Variants in RERE observed in about 807,000 individuals in gnomAD.
RERE encodes arginine-glutamic acid dipeptide repeats.
In RERE, 40 loss-of-function variants were observed where a neutral mutation model predicts 146.1. The observed-to-expected ratio is 0.27, with a 90% CI of 0.21 to 0.36. The LOEUF (loss-of-function observed/expected upper bound fraction) is 0.36, where lower values mean the gene tolerates loss of function less well. RERE is among the 10% of genes least tolerant of loss of function. The pLI is 1.00. For synonymous variants in RERE, 1,003 were observed against 866.0 expected, an observed-to-expected ratio of 1.16 and a Z score of -2.78; for missense variants, 1,933 against 2,138.7, an observed-to-expected ratio of 0.90 and a Z score of 1.90.
rs1356788050 is a variant in RERE, at chr1:8,418,086, T to C, written c.1284+4641A>G. ...CACATTCTACCAAGTATGGCAGGTA[T>C]GTAAATGTCGTGCTGGCTCCCTGCA... On this transcript the variant is annotated intron_variant, in intron 12 of 22. Coordinates refer to ENST00000400908, the MANE Select transcript of RERE (RefSeq NM_001042681.2). Among the ~76,000 whole-genome samples the C allele has an allele frequency of 2.0e-5, 3 of 152,160 alleles. No individual in the cohort carries two copies. In the South Asian group the frequency reaches 6.2e-4, roughly 31 times the overall value.
chr1:8,468,889 C>T (rs1213923152), intron 10 of RERE, among the ~76,000 whole-genome samples: 2 of 150,608 alleles, frequency 1.3e-5, no homozygotes, highest in Non-Finnish European at 2.9e-5. Context: ...AGAGTGAAAC[C>T]CTGCCTCCAA....
At chr1:8,523,077 C>G (rs1387556402) in intron 7 of RERE, among the ~76,000 whole-genome samples, 1 of 151,898 alleles carries the variant, frequency 6.6e-6, no homozygotes, top group Non-Finnish European at 1.5e-5. Context: ...ATGTGGGAGG[C>G]TGAGGCAGGA....
chr1:8,366,517 C>T (rs1641808625), intron 12 of RERE, among the ~76,000 whole-genome samples: 1 of 152,140 alleles, frequency 6.6e-6, no homozygotes, highest in Admixed American at 6.5e-5. Context: ...CAGGGCCAAA[C>T]AGAAGGTGGG....
At chr1:8,458,199 A>G (rs1644478071) in intron 11 of RERE, among the ~76,000 whole-genome samples, 1 of 152,132 alleles carries the variant, frequency 6.6e-6, no homozygotes, top group South Asian at 2.1e-4. Context: ...TGTCTATGGG[A>G]GAACAAATGC....
chr1:8,629,649 C>T (rs1351385369), intron 2 of RERE, among the ~76,000 whole-genome samples: 1 of 152,156 alleles, frequency 6.6e-6, no homozygotes, highest in Non-Finnish European at 1.5e-5. Flanking sequence ...TCTTTTCTGA[C>T]AGCCTCCTAC....
intron 2 of RERE, among the ~76,000 whole-genome samples, chr1:8,639,704 C>G (rs1187865620): frequency 2.6e-5 from 4 of 152,120 alleles, no homozygotes; most frequent in Non-Finnish European, 5.9e-5. Context: ...TTAAACTGTT[C>G]CTAAGGATGT....
intron 1 of RERE, among the ~76,000 whole-genome samples, chr1:8,793,704 A>C (rs1641411090): frequency 6.6e-6 from 1 of 152,252 alleles, no homozygotes; most frequent in African/African-American, 2.4e-5. Flanking sequence ...GAAAGGACCC[A>C]TATTAACTGT....
chr1:8,574,673 C>T (rs888738764), intron 4 of RERE, among the ~76,000 whole-genome samples: 4 of 152,118 alleles, frequency 2.6e-5, no homozygotes, highest in Non-Finnish European at 4.4e-5. Context: ...AAAAATCAGA[C>T]ACGAACAAAT....
chr1:8,648,163 A>T (rs890466852), intron 2 of RERE, among the ~76,000 whole-genome samples: 21 of 152,268 alleles, frequency 1.4e-4, no homozygotes, highest in African/African-American at 4.3e-4. Context: ...CTGTTTTAAA[A>T]TTTTCTATAA....
chr1:8,456,754 T>C (rs1272720664), intron 11 of RERE, among the ~76,000 whole-genome samples: 1 of 152,176 alleles, frequency 6.6e-6, no homozygotes, highest in African/African-American at 2.4e-5. Flanking sequence ...CTCAGGGCCT[T>C]TGCACTGTTT....
chr1:8,690,488 C>T (rs2124416841), intron 1 of RERE, among the ~76,000 whole-genome samples: 1 of 152,276 alleles, frequency 6.6e-6, no homozygotes, highest in Non-Finnish European at 1.5e-5. Flanking sequence ...CTGATTGTCT[C>T]TAGGCAGAAA....
At chr1:8,559,127 A>AAAATGTGCTGTTTTAAAGT (rs1367010424) in intron 4 of RERE, among the ~76,000 whole-genome samples, 3 of 151,034 alleles carry the variant, frequency 2.0e-5, no homozygotes, top group Non-Finnish European at 3.0e-5. Context: ...AGTAAATACA[A>AAAATGTGCTGTTTTAAAGT]AAATTAGCCG....
intron 1 of RERE, among the ~76,000 whole-genome samples, chr1:8,795,992 A>G (rs1314270645): frequency 6.6e-6 from 1 of 150,788 alleles, no homozygotes; most frequent in East Asian, 1.9e-4. Context: ...CAAAAAAAAA[A>G]AAAAAACAAA....
At chr1:8,669,741 A>G (rs1638671648) in intron 1 of RERE, among the ~76,000 whole-genome samples, 1 of 152,232 alleles carries the variant, frequency 6.6e-6, no homozygotes, top group Non-Finnish European at 1.5e-5. Flanking sequence ...CTATCTCTGT[A>G]TAGCATGTTC....
intron 2 of RERE, among the ~76,000 whole-genome samples, chr1:8,647,049 GCA>G (rs1200680431): frequency 2.6e-5 from 4 of 152,168 alleles, no homozygotes; most frequent in Non-Finnish European, 4.4e-5. Flanking sequence ...TCATGCCATA[GCA>G]CACCATCCTG....
At chr1:8,376,708 T>C (rs1642270575) in intron 12 of RERE, among the ~76,000 whole-genome samples, 1 of 152,248 alleles carries the variant, frequency 6.6e-6, no homozygotes, top group South Asian at 2.1e-4. Context: ...CAGTGATGCC[T>C]GAGTCTAGAT....
At chr1:8,590,067 C>T (rs1646474565) in intron 4 of RERE, among the ~76,000 whole-genome samples, 1 of 152,150 alleles carries the variant, frequency 6.6e-6, no homozygotes, top group Admixed American at 6.5e-5. Context: ...AGGACTAAGT[C>T]AGTCCCTTGC....
At chr1:8,664,269 G>A (rs989841764) in intron 1 of RERE, among the ~76,000 whole-genome samples, 6 of 152,050 alleles carry the variant, frequency 3.9e-5, no homozygotes, top group Non-Finnish European at 7.4e-5. Context: ...TTCTAGACAC[G>A]ATCCTCTCCA....
intron 1 of RERE, among the ~76,000 whole-genome samples, chr1:8,688,217 C>T (rs971971118): frequency 5.9e-5 from 9 of 152,302 alleles, no homozygotes; most frequent in Admixed American, 4.6e-4. Context: ...TCAGGAGGAT[C>T]GCTTGAACCA....
Sources: allele counts gnomAD v4.1 joint callset (sites outside exome capture counted in the v4.1 genomes callset), GRCh38; gene constraint gnomAD v4.1.1; transcripts MANE v1.5; gene names NCBI Gene and HGNC (gene_info 2026-07-23, HGNC 2026-07-21).